CASK: variants seen among roughly 807,000 people sequenced by gnomAD.
CASK encodes the protein peripheral plasma membrane protein CASK.
A neutral mutation model predicts 82.9 loss-of-function variants in CASK; 4 were observed. The ratio of observed to expected loss-of-function variants is 0.05; its 90% confidence interval spans 0.02 to 0.11. The LOEUF (loss-of-function observed/expected upper bound fraction) is 0.11, where lower values mean the gene tolerates loss of function less well. CASK is among the 10% of genes least tolerant of loss of function. CASK has a pLI of 1.00. For synonymous variants in CASK, 259 were observed against 253.5 expected, an observed-to-expected ratio of 1.02 and a Z score of -0.20; for missense variants, 358 against 720.9, an observed-to-expected ratio of 0.50 and a Z score of 5.76.
chrX:41,625,779 A>AT (rs1209297591), intron 10 of CASK, among the ~76,000 whole-genome samples: 37 of 104,637 alleles, frequency 3.5e-4, no homozygotes, highest in African/African-American at 1.1e-3. Flanking sequence ...TGTGTTACAG[A>AT]TTTTTTTTTT....
At chrX:41,646,779 C>T (rs377395087) in intron 8 of CASK, among the ~76,000 whole-genome samples, 6 of 111,116 alleles carry the variant, frequency 5.4e-5, no homozygotes, top group East Asian at 2.8e-4. Context: ...ATAATCAAAC[C>T]GTCCGATGCA....
At chrX:41,866,869 A>G (rs1150380) in intron 1 of CASK, among the ~76,000 whole-genome samples, 18,028 of 110,684 alleles carry the variant, frequency 0.16, 1,414 homozygotes, top group Middle Eastern at 0.3. Flanking sequence ...ATGTTTCTCA[A>G]TCTTTTGGGG....
chrX:41,821,186 A>T (rs1476629426), intron 2 of CASK, among the ~76,000 whole-genome samples: 1 of 111,991 alleles, frequency 8.9e-6, no homozygotes, highest in African/African-American at 3.2e-5. Flanking sequence ...TGTATATTTG[A>T]CCAAGGAAGT....
chrX:41,531,249 C>G (rs1039408249), intron 24 of CASK, 40 bp from the exon 25 acceptor site: 19 of 1,027,703 alleles, frequency 1.8e-5, no homozygotes, highest in Non-Finnish European at 2.6e-5. Context: ...AAAGGCTGAG[C>G]TGATGAGCTT....
At chrX:41,598,585 C>T (rs1161375252) in intron 12 of CASK, among the ~76,000 whole-genome samples, 3 of 111,483 alleles carry the variant, frequency 2.7e-5, no homozygotes, top group Non-Finnish European at 5.6e-5. Context: ...TGGTCTTGAA[C>T]TCCTGACCTC....
chrX:41,757,283 T>C (rs892386072), intron 3 of CASK, among the ~76,000 whole-genome samples: 1 of 111,550 alleles, frequency 9.0e-6, no homozygotes, highest in African/African-American at 3.3e-5. Flanking sequence ...AAATGTCCCA[T>C]AACTACCATC....
intron 12 of CASK, among the ~76,000 whole-genome samples, chrX:41,606,625 G>T (rs2065967843): frequency 9.0e-6 from 1 of 111,218 alleles, no homozygotes; most frequent in East Asian, 2.8e-4. Flanking sequence ...CCAGGGCTCG[G>T]CCTCATAGTC....
At chrX:41,665,192 G>T in intron 7 of CASK, 85 bp downstream of exon 7, 2 of 816,979 alleles carry the variant, frequency 2.4e-6, no homozygotes, top group East Asian at 3.4e-5. Context: ...TCAATTAGTG[G>T]GCAAAGACAG....
At chrX:41,522,445 CAT>C (rs2064651011) in intron 26 of CASK, 1 of 111,559 alleles carries the variant, frequency 9.0e-6, no homozygotes, top group Non-Finnish European at 1.9e-5. Flanking sequence ...CCCAGTTAAT[CAT>C]CACCTTCTAG....
chrX:41,779,003 A>T (rs182194269), intron 3 of CASK, among the ~76,000 whole-genome samples: 1 of 111,854 alleles, frequency 8.9e-6, no homozygotes, highest in Non-Finnish European at 1.9e-5. Flanking sequence ...TTTGTGCAGA[A>T]GAGTTAATAT....
chrX:41,792,821 G>A (rs1602632419), intron 2 of CASK, among the ~76,000 whole-genome samples: 1 of 111,311 alleles, frequency 9.0e-6, no homozygotes, highest in South Asian at 3.7e-4. Context: ...GATCTAGCAT[G>A]TATTTTTACA....
chrX:41,515,270 T>C lies in CASK; in HGVS notation c.*5150A>G, dbSNP rs5918192. On this transcript the variant is annotated 3_prime_UTR_variant, in exon 27 of 27. Coordinates refer to ENST00000378163, the MANE Select transcript of CASK (RefSeq NM_001367721.1). ...TCCAAACCTTTCCAATCCCTTCAGC[T>C]CCTGGGTGTTGAGGGACACCTCCTG... The C allele has an allele frequency of 0.094, 10,528 of 111,794 alleles. 450 individuals carry two copies. The highest frequency in any genetic ancestry group is 0.17 in the Middle Eastern group (36 of 217). The allele number at this position is 111,794 out of a possible 1,213,427, so 9.2% of individuals were successfully genotyped here.
chrX:41,898,201 G>C lies in CASK; in HGVS notation c.59+24729C>G, dbSNP rs776666181. On this transcript the variant is annotated intron_variant, in intron 1 of 26. Transcript: ENST00000378163. ...TTTCTTCATGATCCAGTCTTGATAG[G>C]CTGTATTTTTAGTAATTTGTCAATT... Among the ~76,000 whole-genome samples the C allele has an allele frequency of 2.7e-5, 3 of 111,202 alleles. No individual in the cohort carries two copies. The South Asian group carries it at 1.1e-3, about 42-fold the overall frequency.
At chrX:41,558,168 T>C (rs2065181644) in intron 18 of CASK, 1 of 108,747 alleles carries the variant, frequency 9.2e-6, no homozygotes, top group African/African-American at 3.3e-5. Flanking sequence ...CAGAGAGCCT[T>C]CTTTTTTTTT....
chrX:41,727,615 A>T (rs985505096), intron 5 of CASK: 4 of 1,208,038 alleles, frequency 3.3e-6, no homozygotes, highest in Non-Finnish European at 4.5e-6. Flanking sequence ...ACTAGGAGCC[A>T]TGATCTCTCA....
intron 3 of CASK, among the ~76,000 whole-genome samples, chrX:41,770,421 T>A (rs2069221878): frequency 9.1e-6 from 1 of 110,422 alleles, no homozygotes; most frequent in African/African-American, 3.3e-5. Flanking sequence ...TATCTATCTA[T>A]TTTTTGAGAT....
chrX:41,830,750 G>A (rs961958945), intron 2 of CASK, among the ~76,000 whole-genome samples: 4 of 104,909 alleles, frequency 3.8e-5, no homozygotes, highest in Non-Finnish European at 7.8e-5. Context: ...AACCCAGGAG[G>A]CGGAGCTTGC....
chrX:41,778,246 T>C (rs1030187298), intron 3 of CASK, among the ~76,000 whole-genome samples: 2 of 110,801 alleles, frequency 1.8e-5, no homozygotes, highest in African/African-American at 3.3e-5. Flanking sequence ...TTTTTTTTTT[T>C]CAAGACTGAG....
At position 41,908,464 on chromosome X, in the gene CASK, A is replaced by T. The variant is rs765543606; in HGVS notation, c.59+14466T>A. On this transcript the variant is annotated intron_variant, in intron 1 of 26. Transcript: ENST00000378163. ...TGGGTTTTCTCTTGAGGAAGTAAAA[A>T]GGCAGTAAGAATTGGGAAAAATGAA... Among the ~76,000 whole-genome samples the T allele has an allele frequency of 2.7e-5, 3 of 112,052 alleles. No individual in the cohort carries two copies. In the Admixed American group the frequency reaches 2.8e-4, roughly 11 times the overall value.
Sources: allele counts gnomAD v4.1 joint callset (sites outside exome capture counted in the v4.1 genomes callset), GRCh38; gene constraint gnomAD v4.1.1; transcripts MANE v1.5; gene names NCBI Gene and HGNC (gene_info 2026-07-23, HGNC 2026-07-21).